The following DPP10 variants were observed in gnomAD, a reference collection of about 807,000 sequenced individuals.
The protein encoded by DPP10 is dipeptidyl peptidase like 10, also known as inactive dipeptidyl peptidase 10.
In DPP10, 33 loss-of-function variants were observed where a neutral mutation model predicts 120.9. The observed-to-expected ratio is 0.27, with a 90% CI of 0.21 to 0.37. The LOEUF (loss-of-function observed/expected upper bound fraction) is 0.37. DPP10 is among the 10% of genes least tolerant of loss of function. The pLI, the probability that DPP10 is intolerant of heterozygous loss-of-function variation, is 1.00. For synonymous variants in DPP10, 337 were observed against 326.1 expected, an observed-to-expected ratio of 1.03 and a Z score of -0.36; for missense variants, 816 against 942.8, an observed-to-expected ratio of 0.87 and a Z score of 1.76.
intron 19 of DPP10, among the ~76,000 whole-genome samples, chr2:115,798,458 A>AT (rs948258398): frequency 1.3e-5 from 2 of 152,026 alleles, no homozygotes; most frequent in African/African-American, 4.8e-5. Context: ...TTATTCCAGG[A>AT]TTTTTTAAAT....
intron 1 of DPP10, among the ~76,000 whole-genome samples, chr2:114,741,216 G>A (rs1249824538): frequency 6.6e-6 from 1 of 152,166 alleles, no homozygotes; most frequent in Admixed American, 6.5e-5. Context: ...TACTTACCAG[G>A]CATGCATAAC....
chr2:114,758,519 T>C (rs1679993977), intron 1 of DPP10, among the ~76,000 whole-genome samples: 1 of 152,190 alleles, frequency 6.6e-6, no homozygotes, highest in South Asian at 2.1e-4. Flanking sequence ...TGGTGAATGA[T>C]AAATCAGAGG....
At chr2:114,814,041 T>C (rs1685416551) in intron 1 of DPP10, among the ~76,000 whole-genome samples, 1 of 151,874 alleles carries the variant, frequency 6.6e-6, no homozygotes, top group South Asian at 2.1e-4. Flanking sequence ...ATTTATCTCA[T>C]TTTAGTAAAT....
chr2:115,815,813 T>A lies in DPP10; in HGVS notation c.1950+84T>A, dbSNP rs1687163954. 8 of 1,363,260 alleles carry A rather than the reference T, an allele frequency of 5.9e-6. No homozygotes were observed. The South Asian group carries it at 1.0e-4, about 18-fold the overall frequency. 84.4% of individuals were successfully genotyped at this position (1,363,260 alleles called of 1,614,324 possible). A position where few individuals can be genotyped will look rare whatever the true frequency, so the allele number is the denominator to read the frequency against. ...TATTACACATTCACAGGAGGCCAGT[T>A]GGTTACAGATAAGTTCCATATTGAC... On this transcript the variant is annotated intron_variant, in intron 21 of 25. Coordinates refer to ENST00000410059, the MANE Select transcript of DPP10 (RefSeq NM_020868.6).
intron 1 of DPP10, among the ~76,000 whole-genome samples, chr2:114,447,809 A>G (rs1419362495): frequency 5.9e-5 from 9 of 152,210 alleles, no homozygotes; most frequent in Admixed American, 5.9e-4. Context: ...GTGATAGCTA[A>G]GGAAATCAAA....
In DPP10 at chr2:115,617,289, T is replaced by TATAC. The variant is rs67359999; in HGVS notation, c.442-72397_442-72396insTACA. 5.8e-3 allele frequency among the ~76,000 whole-genome samples: 794 copies of TATAC among 136,504 alleles called. 12 individuals are homozygous for TATAC. The highest frequency in any genetic ancestry group is 0.033 in the South Asian group (138 of 4,220). 89.6% of individuals were successfully genotyped at this position (136,504 alleles called of 152,430 possible). ...TATATTTTTTATATATATATATATA[T>TATAC]ACACACATAGCATATATGTATATGC... On this transcript the variant is annotated intron_variant, in intron 5 of 25. Transcript: ENST00000410059.
At chr2:114,769,248 TTGCTTGATAAC>T (rs1294681145) in intron 1 of DPP10, among the ~76,000 whole-genome samples, 2 of 152,172 alleles carry the variant, frequency 1.3e-5, no homozygotes. Flanking sequence ...GCAGTGGATG[TTGCTTGATAAC>T]TGTTTGAATT....
chr2:115,482,844 C>A (rs923108704), intron 3 of DPP10, among the ~76,000 whole-genome samples: 4 of 151,788 alleles, frequency 2.6e-5, no homozygotes, highest in African/African-American at 9.7e-5. Context: ...CTTATTTTTT[C>A]TTTTCATTAT....
chr2:115,404,187 C>A (rs1162892090), intron 3 of DPP10, among the ~76,000 whole-genome samples: 3 of 152,038 alleles, frequency 2.0e-5, no homozygotes, highest in Non-Finnish European at 4.4e-5. Flanking sequence ...GGGGAGGCCT[C>A]AGAAAACTTA....
chr2:114,944,210 T>C (rs2104594113), intron 1 of DPP10, among the ~76,000 whole-genome samples: 1 of 152,260 alleles, frequency 6.6e-6, no homozygotes, highest in East Asian at 1.9e-4. Flanking sequence ...TTCCTTGATG[T>C]TGCAAATAAT....
At chr2:115,445,081 T>G (rs1313821397) in intron 3 of DPP10, among the ~76,000 whole-genome samples, 1 of 152,152 alleles carries the variant, frequency 6.6e-6, no homozygotes, top group African/African-American at 2.4e-5. Flanking sequence ...GTTACCCTGC[T>G]CTCTCTCTCT....
intron 5 of DPP10, among the ~76,000 whole-genome samples, chr2:115,646,611 T>C (rs2149364293): frequency 6.6e-6 from 1 of 152,294 alleles, no homozygotes; most frequent in East Asian, 1.9e-4. Flanking sequence ...GATTCCTACG[T>C]AGATGGCTAT....
At chr2:115,334,940 T>C (rs540232111) in intron 2 of DPP10, among the ~76,000 whole-genome samples, 1 of 151,434 alleles carries the variant, frequency 6.6e-6, no homozygotes, top group African/African-American at 2.4e-5. Context: ...GTTCTACTAC[T>C]GTATTAGTTC....
At chr2:115,018,924 C>T (rs1192545481) in intron 1 of DPP10, among the ~76,000 whole-genome samples, 1 of 151,800 alleles carries the variant, frequency 6.6e-6, no homozygotes, top group African/African-American at 2.4e-5. Flanking sequence ...CTCAGAGAGC[C>T]CTGAGCAGCC....
intron 1 of DPP10, among the ~76,000 whole-genome samples, chr2:114,559,282 G>A (rs2104930318): frequency 6.6e-6 from 1 of 152,290 alleles, no homozygotes; most frequent in South Asian, 2.1e-4. Context: ...CCGCATGAGG[G>A]AAGCAGGAAG....
chr2:114,554,068 G>A (rs948114465), intron 1 of DPP10, among the ~76,000 whole-genome samples: 6 of 152,180 alleles, frequency 3.9e-5, no homozygotes, highest in African/African-American at 9.7e-5. Context: ...ACTTTTCATA[G>A]GAGAGTTGAT....
chr2:114,742,106 AT>A (rs1558691914), intron 1 of DPP10, among the ~76,000 whole-genome samples: 1 of 152,204 alleles, frequency 6.6e-6, no homozygotes, highest in East Asian at 1.9e-4. Flanking sequence ...ACATTTTTAC[AT>A]ATGTGCACAA....
intron 5 of DPP10, among the ~76,000 whole-genome samples, chr2:115,593,564 G>C (rs1322825795): frequency 1.5e-5 from 2 of 131,448 alleles, no homozygotes; most frequent in Admixed American, 8.2e-5. Context: ...AAAAATGGAA[G>C]AAAAAATGGG....
At chr2:114,994,342 A>G (rs1011286653) in intron 1 of DPP10, among the ~76,000 whole-genome samples, 5 of 152,226 alleles carry the variant, frequency 3.3e-5, no homozygotes, top group Non-Finnish European at 5.9e-5. Flanking sequence ...GATCAGATAC[A>G]TAGATGATAG....
Sources: gnomAD v4.1 joint callset for allele counts (sites outside exome capture counted in the v4.1 genomes callset) on GRCh38, gnomAD v4.1.1 for gene constraint, MANE v1.5 for transcripts, NCBI Gene and HGNC (gene_info 2026-07-23, HGNC 2026-07-21) for gene names.